Variants in LRRC28 observed in about 807,000 individuals in gnomAD.
LRRC28 encodes the protein leucine rich repeat containing 28.
Under a neutral mutation model 45.7 loss-of-function variants are expected in LRRC28, and 39 were observed. The observed-to-expected ratio is 0.85, with a 90% CI of 0.66 to 1.12. The LOEUF is 1.12. Among genes scored for constraint, LRRC28 ranks in the 50% most tolerant of loss-of-function variants. LRRC28 has a pLI of 0.00. For synonymous variants in LRRC28, 206 were observed against 178.8 expected, an observed-to-expected ratio of 1.15 and a Z score of -1.22; for missense variants, 435 against 438.5, an observed-to-expected ratio of 0.99 and a Z score of 0.07.
intron 5 of LRRC28, among the ~76,000 whole-genome samples, chr15:99,304,402 C>A (rs1013603445): frequency 1.7e-4 from 25 of 150,720 alleles, no homozygotes; most frequent in Non-Finnish European, 2.1e-4. Flanking sequence ...CTTTTTCCGG[C>A]ACTCCATTCA....
At chr15:99,342,736 G>A (rs1443495936) in intron 6 of LRRC28, among the ~76,000 whole-genome samples, 2 of 152,136 alleles carry the variant, frequency 1.3e-5, no homozygotes, top group Non-Finnish European at 2.9e-5. Context: ...TAAACCCACA[G>A]CAAAGGAAGC....
chr15:99,320,812 TAAAC>T (rs956351048), intron 5 of LRRC28: 2 of 152,174 alleles, frequency 1.3e-5, no homozygotes, highest in African/African-American at 4.8e-5. Flanking sequence ...ATGTAATAGT[TAAAC>T]AAATACACCC....
At position 99,270,833 on chromosome 15, in the gene LRRC28, T is replaced by C. The variant is rs2081458595; in HGVS notation, c.169-5743T>C. 3.9e-5 allele frequency among the ~76,000 whole-genome samples: 6 copies of C among 152,182 alleles called. No homozygotes were observed. In the South Asian group the frequency reaches 1.2e-3, roughly 32 times the overall value. On this transcript the variant is annotated intron_variant, in intron 2 of 9. Transcript: ENST00000301981. Reference sequence around the variant, plus strand: ...CATACGGTAATTTTATGCTTAACTTTTGAGGAGCCACCAAAAAGTGGCTGA... The same window carrying C: ...CATACGGTAATTTTATGCTTAACTTCTGAGGAGCCACCAAAAAGTGGCTGA...
At chr15:99,379,215 G>A (rs921855022) in intron 9 of LRRC28, among the ~76,000 whole-genome samples, 2 of 152,088 alleles carry the variant, frequency 1.3e-5, no homozygotes, top group African/African-American at 4.8e-5. Flanking sequence ...CAATTTCAGA[G>A]CCTGTTATTG....
chr15:99,268,966 T>TG (rs2081402780), intron 2 of LRRC28, among the ~76,000 whole-genome samples: 1 of 152,244 alleles, frequency 6.6e-6, no homozygotes, highest in African/African-American at 2.4e-5. Flanking sequence ...TCAAGAGGCA[T>TG]TTCAGCAATT....
At chr15:99,367,152 T>A (rs1957362311) in intron 9 of LRRC28, among the ~76,000 whole-genome samples, 1 of 152,204 alleles carries the variant, frequency 6.6e-6, no homozygotes, top group Non-Finnish European at 1.5e-5. Context: ...TTGTAGATTG[T>A]CACCTGTACT....
rs1259162625 is a variant in LRRC28 at position 99,386,944 on chromosome 15, A to G, written c.*842A>G. 6.6e-6 allele frequency: 1 copy of G among 152,166 alleles called. No homozygotes were observed. The highest frequency in any genetic ancestry group is 1.5e-5 in the Non-Finnish European group (1 of 68,028). The allele number at this position is 152,166 out of a possible 1,614,324, so 9.4% of individuals were successfully genotyped here. On this transcript the variant is annotated 3_prime_UTR_variant, in exon 10 of 10. Coordinates refer to ENST00000301981, the MANE Select transcript of LRRC28 (RefSeq NM_144598.5). ...TTCCATACAATGAGAAAGGGGGAGA[A>G]AACACACATTGAAATAAGACCTCCG...
At chr15:99,270,221 C>T (rs1156471959) in intron 2 of LRRC28, among the ~76,000 whole-genome samples, 1 of 152,194 alleles carries the variant, frequency 6.6e-6, no homozygotes, top group East Asian at 1.9e-4. Context: ...ACTTTTTATT[C>T]CTTCAGTGCC....
chr15:99,264,472 C>T (rs1336040560), intron 2 of LRRC28, among the ~76,000 whole-genome samples: 1 of 152,208 alleles, frequency 6.6e-6, no homozygotes, highest in Non-Finnish European at 1.5e-5. Flanking sequence ...CTGTATCTAA[C>T]AGTTCCACAG....
chr15:99,258,083 AC>A (rs2081078568), intron 2 of LRRC28: 3 of 1,530,174 alleles, frequency 2.0e-6, no homozygotes, highest in Middle Eastern at 1.7e-4. Flanking sequence ...TGTAGGAATG[AC>A]CAGAGAAGAG....
chr15:99,303,308 G>A (rs1002470785), intron 5 of LRRC28, among the ~76,000 whole-genome samples: 3 of 151,848 alleles, frequency 2.0e-5, no homozygotes, highest in African/African-American at 7.3e-5. Flanking sequence ...CTATCTTTTG[G>A]CCATTTTTAA....
chr15:99,261,446 C>T (rs1465931718), intron 2 of LRRC28, among the ~76,000 whole-genome samples: 4 of 152,084 alleles, frequency 2.6e-5, no homozygotes, highest in Non-Finnish European at 1.5e-5. Context: ...GATCAGGGTA[C>T]TAGCAGATTC....
intron 9 of LRRC28, among the ~76,000 whole-genome samples, chr15:99,380,483 C>T (rs1365621251): frequency 1.3e-5 from 2 of 151,982 alleles, no homozygotes; most frequent in Non-Finnish European, 2.9e-5. Flanking sequence ...GGTCTTGACT[C>T]TATCCAATTT....
rs568683315 is a variant in LRRC28 at position 99,259,658 on chromosome 15, A to G, written c.168+3533A>G. On this transcript the variant is annotated intron_variant, in intron 2 of 9. Transcript: ENST00000301981. ...CTCTACAAATTACCATGCGAGTCGG[A>G]AGAAAACATTTGAAATTAATCCCAG... 1.6e-4 allele frequency: 220 copies of G among 1,411,780 alleles called. 1 individual carries two copies. In the African/African-American group the frequency reaches 2.8e-3, roughly 18 times the overall value. The allele number at this position is 1,411,780 out of a possible 1,614,324, so 87.5% of individuals were successfully genotyped here.
At chr15:99,269,887 GA>G (rs2081429218) in intron 2 of LRRC28, among the ~76,000 whole-genome samples, 1 of 152,174 alleles carries the variant, frequency 6.6e-6, no homozygotes, top group African/African-American at 2.4e-5. Context: ...TGAGTCAAGA[GA>G]CAAAGGTAAT....
chr15:99,369,458 G>A (rs926056391), intron 9 of LRRC28, among the ~76,000 whole-genome samples: 6 of 152,116 alleles, frequency 3.9e-5, no homozygotes, highest in Non-Finnish European at 8.8e-5. Flanking sequence ...GCAGACTGGC[G>A]GCCTGGACGT....
chr15:99,319,657 T>TG (rs930768396), intron 5 of LRRC28, among the ~76,000 whole-genome samples: 11 of 102,006 alleles, frequency 1.1e-4, no homozygotes, highest in African/African-American at 8.4e-4. Flanking sequence ...CAAAACAGTG[T>TG]GGTTTTTTTT....
Position 99,386,852 on chromosome 15 carries a change from A to G in LRRC28, c.*750A>G, listed in dbSNP as rs1168498786. 6.6e-6 allele frequency: 1 copy of G among 152,130 alleles called. No individual in the cohort carries two copies. Among genetic ancestry groups the G allele is most frequent in the African/African-American group, 2.4e-5 (1 of 41,434 alleles). The allele number at this position is 152,130 out of a possible 1,614,324, so 9.4% of individuals were successfully genotyped here. On this transcript the variant is annotated 3_prime_UTR_variant, in exon 10 of 10. Coordinates refer to ENST00000301981, the MANE Select transcript of LRRC28 (RefSeq NM_144598.5). ...AATTTCCTGATAAGATTTTTTTTAT[A>G]TGAGAAGAATTTGAGGAATATTTGA...
chr15:99,259,060 T>C (rs1307633138), intron 2 of LRRC28: 6 of 940,470 alleles, frequency 6.4e-6, no homozygotes, highest in Non-Finnish European at 1.1e-5. Context: ...AATACAATGA[T>C]ACTTTTTGGA....
Sources: allele counts gnomAD v4.1 joint callset (sites outside exome capture counted in the v4.1 genomes callset), GRCh38; gene constraint gnomAD v4.1.1; transcripts MANE v1.5; gene names NCBI Gene and HGNC (gene_info 2026-07-23, HGNC 2026-07-21).